GDF5: variants seen among roughly 807,000 people sequenced by gnomAD.
GDF5 encodes growth/differentiation factor 5.
A neutral mutation model predicts 34.6 loss-of-function variants in GDF5; 17 were observed. The observed-to-expected ratio is 0.49, with a 90% CI of 0.34 to 0.74. GDF5 has a LOEUF of 0.74. Among genes scored for constraint, GDF5 ranks in the 30% least tolerant of loss-of-function variants. The pLI, the probability that GDF5 is intolerant of heterozygous loss-of-function variation, is 0.01. For missense variants in GDF5, 616 were observed against 661.2 expected (o/e 0.93, Z 0.75); for synonymous variants, 332 against 290.7 (o/e 1.14, Z -1.44).
In GDF5 at chr20:35,433,909, C is replaced by T; in HGVS notation, c.1506G>A (p.Ter502=). 1 of 1,613,344 alleles carries T rather than the reference C, an allele frequency of 6.2e-7. No individual in the cohort carries two copies. Among genetic ancestry groups the T allele is most frequent in the Non-Finnish European group, 8.5e-7 (1 of 1,179,270 alleles). ...DMVVESCGCR[*] Reference sequence around the variant, plus strand: ...CCAGGAAGACAGAGGGCCAGTGCTGCTACCTGCAGCCACACGACTCCACGA... The same window carrying T: ...CCAGGAAGACAGAGGGCCAGTGCTGTTACCTGCAGCCACACGACTCCACGA... Residue 502 remains the stop codon, a stop_retained_variant, in exon 2 of 2, where the codon TAG becomes TAA. Transcript: ENST00000374369.
intron 1 of GDF5, among the ~76,000 whole-genome samples, chr20:35,451,797 G>C (rs1376240552): frequency 6.6e-6 from 1 of 152,016 alleles, no homozygotes. Context: ...GCCTTCTAAA[G>C]TGCTGGGGTT....
chr20:35,454,726 T>G (rs1353272183), exon 1 of GDF5: 2 of 152,252 alleles, frequency 1.3e-5, no homozygotes, highest in Admixed American at 1.3e-4. Context: ...CTGCCAGTAT[T>G]ATCGCTAACC....
chr20:35,451,059 A>T (rs1427672620), intron 1 of GDF5, among the ~76,000 whole-genome samples: 702 of 7,644 alleles, frequency 0.092, 78 homozygotes, highest in East Asian at 0.42. Context: ...AAAAAAAAAA[A>T]AAAAAATATA....
In GDF5 at chr20:35,434,763, T is replaced by G. The variant is rs116467702; in HGVS notation, c.652A>C (p.Arg218=). 677 of 1,611,442 alleles carry G rather than the reference T, an allele frequency of 4.2e-4. 1 individual carries two copies. In the African/African-American group the frequency reaches 8.0e-3, roughly 19 times the overall value. The change falls in exon 2 of 2, where the codon AGG becomes CGG. Residue 218 remains arginine, a synonymous_variant. Coordinates refer to ENST00000374369, the MANE Select transcript of GDF5 (RefSeq NM_000557.5). ...KGQDDRGPVV[R]KQRYVFDISA... ...ATGTCAAACACGTACCTCTGCTTCCTGACCACGGGACCTCGGTCATCTAGA... is the reference window on the plus strand; with the variant it reads ...ATGTCAAACACGTACCTCTGCTTCCGGACCACGGGACCTCGGTCATCTAGA...
chr20:35,451,719 A>C (rs2062534502), intron 1 of GDF5, among the ~76,000 whole-genome samples: 1 of 150,906 alleles, frequency 6.6e-6, no homozygotes, highest in African/African-American at 2.4e-5. Context: ...TTTTTTGTAG[A>C]GACAAGGTCT....
intron 1 of GDF5, among the ~76,000 whole-genome samples, chr20:35,453,555 C>T (rs1471937893): frequency 1.3e-5 from 2 of 152,172 alleles, no homozygotes; most frequent in Non-Finnish European, 2.9e-5. Flanking sequence ...AGGATGGAAT[C>T]CCACACCACT....
At chr20:35,454,098 C>T (rs1312498253) in intron 1 of GDF5, 1 of 472,520 alleles carries the variant, frequency 2.1e-6, no homozygotes, top group African/African-American at 2.0e-5. Context: ...AAATTGAGAA[C>T]CACTGAGTGC....
chr20:35,436,529 G>A (rs893355278), intron 1 of GDF5, among the ~76,000 whole-genome samples: 3 of 152,198 alleles, frequency 2.0e-5, no homozygotes, highest in African/African-American at 7.2e-5. Context: ...CACAGCAAGT[G>A]GAGAGGAAAA....
intron 1 of GDF5, among the ~76,000 whole-genome samples, chr20:35,452,572 G>A (rs879850811): frequency 9.2e-5 from 14 of 152,214 alleles, no homozygotes; most frequent in Non-Finnish European, 1.2e-4. Context: ...ACAGGCATGC[G>A]CCACCACGCC....
At chr20:35,447,035 G>A (rs1051578450) in intron 1 of GDF5, among the ~76,000 whole-genome samples, 2 of 151,882 alleles carry the variant, frequency 1.3e-5, no homozygotes, top group African/African-American at 4.8e-5. Context: ...CAGCATGCAG[G>A]TTTGTTACAT....
chr20:35,452,617 T>C (rs1000512677), intron 1 of GDF5, among the ~76,000 whole-genome samples: 1 of 152,168 alleles, frequency 6.6e-6, no homozygotes, highest in Admixed American at 6.5e-5. Context: ...AGATGGGGTT[T>C]CTCCCTGTTG....
chr20:35,443,501 GATTATT>G (rs34581704), intron 1 of GDF5, among the ~76,000 whole-genome samples: 4 of 150,124 alleles, frequency 2.7e-5, no homozygotes, highest in East Asian at 3.9e-4. Context: ...CAGTTGGCCA[GATTATT>G]ATTATTATTA....
intron 1 of GDF5, among the ~76,000 whole-genome samples, chr20:35,452,108 C>T (rs1050441444): frequency 1.3e-5 from 2 of 152,116 alleles, no homozygotes; most frequent in African/African-American, 4.8e-5. Flanking sequence ...GAATCTAATG[C>T]CTGATGATCT....
At chr20:35,441,594 A>G (rs2146586536), upstream of GDF5, among the ~76,000 whole-genome samples, 1 of 151,326 alleles carries the variant, frequency 6.6e-6, no homozygotes. Flanking sequence ...AGCTGGGACT[A>G]CAGGTGCGTG....
chr20:35,446,569 T>C (rs2062514822), intron 1 of GDF5, among the ~76,000 whole-genome samples: 4 of 151,650 alleles, frequency 2.6e-5, no homozygotes, highest in Admixed American at 1.3e-4. Context: ...TCCTGAGTAG[T>C]TGGGACTACA....
chr20:35,437,466 G>A lies in GDF5; in HGVS notation c.463C>T (p.Pro155Ser). 1 of 1,614,074 alleles carries A rather than the reference G, an allele frequency of 6.2e-7. No individual in the cohort carries two copies. Among genetic ancestry groups the A allele is most frequent in the Non-Finnish European group, 8.5e-7 (1 of 1,179,954 alleles). Residue 155 changes from proline to serine, a missense_variant, in exon 1 of 2, where the codon CCA becomes TCA. Coordinates refer to ENST00000374369, the MANE Select transcript of GDF5 (RefSeq NM_000557.5). The stretch of plus-strand genomic sequence containing the variant: ...CGAAACGGCTCCTTGGGCTCTCGTG[G>A]GGGCCCGGGCTCCCTGGCCTTCTTC... ...LLKKAREPGP[P>S]REPKEPFRPP...
intron 1 of GDF5, among the ~76,000 whole-genome samples, chr20:35,436,886 G>A (rs1453787193): frequency 6.6e-6 from 1 of 152,210 alleles, no homozygotes; most frequent in East Asian, 1.9e-4. Context: ...GAAGCATGGG[G>A]ACCTCAAGAT....
At chr20:35,452,637 G>A (rs956370319) in intron 1 of GDF5, among the ~76,000 whole-genome samples, 3 of 152,032 alleles carry the variant, frequency 2.0e-5, no homozygotes, top group African/African-American at 7.2e-5. Flanking sequence ...GGTCAGGATG[G>A]TATTGAACTC....
chr20:35,433,534 C>T lies in GDF5; in HGVS notation c.*375G>A, dbSNP rs1363417394. 1 of 352,322 alleles carries T rather than the reference C, an allele frequency of 2.8e-6. No individual in the cohort carries two copies. Among genetic ancestry groups the T allele is most frequent in the Non-Finnish European group, 5.5e-6 (1 of 180,822 alleles). The allele number at this position is 352,322 out of a possible 1,614,324, so 21.8% of individuals were successfully genotyped here. On this transcript the variant is annotated 3_prime_UTR_variant, in exon 2 of 2. Coordinates refer to ENST00000374369, the MANE Select transcript of GDF5 (RefSeq NM_000557.5). ...ATGTGATTTGAGGAGGCAGTGGCAC[C>T]TGTGGCTCTCCTGAGAGGTGCTTAG...
Sources: allele counts gnomAD v4.1 joint callset (sites outside exome capture counted in the v4.1 genomes callset), GRCh38; gene constraint gnomAD v4.1.1; transcripts MANE v1.5; gene names NCBI Gene and HGNC (gene_info 2026-07-23, HGNC 2026-07-21).